PITPNM3: variants seen among roughly 807,000 people sequenced by gnomAD.
PITPNM3 encodes the protein membrane-associated phosphatidylinositol transfer protein 3.
Under a neutral mutation model 102.0 loss-of-function variants are expected in PITPNM3, and 26 were observed. The ratio of observed to expected loss-of-function variants is 0.25; its 90% CI spans 0.19 to 0.35. The LOEUF is 0.35. Among genes scored for constraint, PITPNM3 ranks in the 10% least tolerant of loss-of-function variants. The pLI is 1.00. For missense variants in PITPNM3, 1,083 were observed against 1,346.1 expected (o/e 0.80, Z 3.06); for synonymous variants, 578 against 558.6 (o/e 1.03, Z -0.49).
At chr17:6,515,882 C>A (rs1175381240) in intron 3 of PITPNM3, among the ~76,000 whole-genome samples, 2 of 152,018 alleles carry the variant, frequency 1.3e-5, no homozygotes, top group Non-Finnish European at 2.9e-5. Flanking sequence ...AACAAACAAA[C>A]AAAAAAACAA....
At chr17:6,514,301 G>T (rs1339561215) in intron 3 of PITPNM3, among the ~76,000 whole-genome samples, 2 of 135,748 alleles carry the variant, frequency 1.5e-5, no homozygotes, top group Non-Finnish European at 3.2e-5. Flanking sequence ...TACTCCAAAA[G>T]ACATTATCAA....
In PITPNM3 at chr17:6,483,575, G is replaced by C. The variant is rs1351700941; in HGVS notation, c.529C>G (p.Leu177Val). Residue 177 changes from leucine to valine, a missense_variant, in exon 6 of 20, where the codon CTC becomes GTC. By Grantham distance (32) the Leu-to-Val change is conservative. Coordinates refer to ENST00000262483, the MANE Select transcript of PITPNM3 (RefSeq NM_031220.4). Reference sequence around the variant, plus strand: ...GCAGGACAGGGGACGAACTTGATGAGGATGTGGCCCAGGGCAGCAGGGAAA... The same window carrying C: ...GCAGGACAGGGGACGAACTTGATGACGATGTGGCCCAGGGCAGCAGGGAAA... ...AHFPAALGHI[L>V]IKFVPCPAIC... 6.2e-7 allele frequency: 1 copy of C among 1,614,082 alleles called. No homozygotes were observed. Among genetic ancestry groups the C allele is most frequent in the South Asian group, 1.1e-5 (1 of 91,074 alleles).
At chr17:6,487,973 A>G (rs905118068) in intron 4 of PITPNM3, among the ~76,000 whole-genome samples, 1 of 152,180 alleles carries the variant, frequency 6.6e-6, no homozygotes, top group African/African-American at 2.4e-5. Flanking sequence ...TTCCATGCAC[A>G]AAAGCCAGGA....
At position 6,468,334 on chromosome 17, in the gene PITPNM3, C is replaced by A. The variant is rs374644335; in HGVS notation, c.1781G>T (p.Arg594Leu). Reference sequence around the variant, plus strand: ...TTCCTTGATGTTCACGCTCTCATAGCGCATTACCTAGCCAAGAGCCGAGCA... The same window carrying A: ...TTCCTTGATGTTCACGCTCTCATAGAGCATTACCTAGCCAAGAGCCGAGCA... ...VVAFILRQVMRYESVNIKESA... is the reference protein window; with the variant it reads ...VVAFILRQVMLYESVNIKESA... The change falls in exon 14 of 20, where the codon CGC (arginine) becomes CTC (leucine). Residue 594 changes from arginine (R) to leucine (L), a missense_variant. Arg to Leu is a moderately radical substitution (Grantham distance 102). Coordinates refer to ENST00000262483, the MANE Select transcript of PITPNM3 (RefSeq NM_031220.4). The surrounding 1 kb of genome is among the most constrained non-coding windows in gnomAD (Gnocchi z 5.2). 2 of 1,613,976 alleles carry A rather than the reference C, an allele frequency of 1.2e-6. No individual in the cohort carries two copies. The highest frequency in any genetic ancestry group is 1.7e-6 in the Non-Finnish European group (2 of 1,180,002).
chr17:6,465,942 C>T (rs1904744435), intron 14 of PITPNM3, among the ~76,000 whole-genome samples: 1 of 152,186 alleles, frequency 6.6e-6, no homozygotes, highest in African/African-American at 2.4e-5. Flanking sequence ...AAAGGCAGTC[C>T]CTGCAACAGA....
At position 6,470,633 on chromosome 17, in the gene PITPNM3, C is replaced by T. The variant is rs1285802098; in HGVS notation, c.1625-225G>A. Among the ~76,000 whole-genome samples the T allele has an allele frequency of 3.3e-5, 5 of 152,190 alleles. No homozygotes were observed. Among genetic ancestry groups the T allele is most frequent in the Non-Finnish European group, 7.3e-5 (5 of 68,032 alleles). ...TAAGATGTGCGTGCCAAGCCCATGC[C>T]CAGGAAGGAGGGCCAGACCCACAGA... On this transcript the variant is annotated intron_variant, in intron 12 of 19. Transcript: ENST00000262483. This position sits in a 1 kb window ranked among gnomAD's most constrained non-coding sequence, Gnocchi z 4.8.
chr17:6,536,596 C>T (rs547120010), intron 2 of PITPNM3, among the ~76,000 whole-genome samples: 49 of 152,110 alleles, frequency 3.2e-4, no homozygotes, highest in Non-Finnish European at 5.9e-4. Context: ...TAAAAATCAC[C>T]CAAACTGAGT....
intron 14 of PITPNM3, among the ~76,000 whole-genome samples, chr17:6,466,044 C>T (rs1479123390): frequency 6.6e-6 from 1 of 152,214 alleles, no homozygotes; most frequent in African/African-American, 2.4e-5. Flanking sequence ...CTTAGCTTTC[C>T]AAGGCTTGCC....
chr17:6,499,579 C>G (rs989316051), intron 4 of PITPNM3, among the ~76,000 whole-genome samples: 1 of 152,212 alleles, frequency 6.6e-6, no homozygotes, highest in Non-Finnish European at 1.5e-5. Context: ...CAAGGCACAT[C>G]CGTCCAGTAA....
chr17:6,546,912 AG>A (rs1440474825), intron 1 of PITPNM3, among the ~76,000 whole-genome samples: 7 of 152,086 alleles, frequency 4.6e-5, no homozygotes, highest in African/African-American at 1.7e-4. Context: ...AGGCTGAGGC[AG>A]GGAGAACTGC....
intron 2 of PITPNM3, among the ~76,000 whole-genome samples, chr17:6,534,692 G>A (rs1387091355): frequency 2.0e-5 from 3 of 152,182 alleles, no homozygotes. Context: ...CTGTTCCCAG[G>A]TCCAGTCAGT....
chr17:6,464,054 GCAGA>G (rs1431240043), intron 16 of PITPNM3, 112 bp downstream of exon 16: 3 of 1,539,778 alleles, frequency 1.9e-6, no homozygotes, highest in Non-Finnish European at 2.7e-6. Flanking sequence ...CTCTGTCCAT[GCAGA>G]CAGAGATGGG....
chr17:6,497,832 C>T (rs1468591111), intron 4 of PITPNM3, among the ~76,000 whole-genome samples: 1 of 152,180 alleles, frequency 6.6e-6, no homozygotes, highest in East Asian at 1.9e-4. Flanking sequence ...TAGAATCTGC[C>T]CCCCAACCCA....
chr17:6,522,066 A>G (rs958494063), intron 3 of PITPNM3, among the ~76,000 whole-genome samples: 2 of 152,210 alleles, frequency 1.3e-5, no homozygotes, highest in African/African-American at 4.8e-5. Context: ...TACACCACCC[A>G]TGTAGAATGG....
Position 6,477,229 on chromosome 17 carries a change from G to A in PITPNM3, c.901-16C>T, listed in dbSNP as rs761147970. The A allele has an allele frequency of 3.7e-6, 6 of 1,612,950 alleles. No homozygotes were observed. In the South Asian group the frequency reaches 6.6e-5, roughly 18 times the overall value. On this transcript the variant is annotated splice_polypyrimidine_tract_variant and intron_variant, in intron 8 of 19. Coordinates refer to ENST00000262483, the MANE Select transcript of PITPNM3 (RefSeq NM_031220.4). ...CTGGGGTGTCCTTTGGGACCGAACAGGGGACAGGAGAGAAAAAGACTGTTG... is the reference window on the plus strand; with the variant it reads ...CTGGGGTGTCCTTTGGGACCGAACAAGGGACAGGAGAGAAAAAGACTGTTG...
In PITPNM3 at chr17:6,468,127, G is replaced by A; in HGVS notation, c.1890+98C>T. The A allele has an allele frequency of 2.6e-6, 3 of 1,175,302 alleles. No homozygotes were observed. The highest frequency in any genetic ancestry group is 3.8e-6 in the Non-Finnish European group (3 of 792,116). 72.8% of individuals were successfully genotyped at this position (1,175,302 alleles called of 1,614,324 possible). A position where few individuals can be genotyped will look rare whatever the true frequency, so the allele number is the denominator to read the frequency against. On this transcript the variant is annotated intron_variant, in intron 14 of 19. Transcript: ENST00000262483. The surrounding 1 kb of genome is among the most constrained non-coding windows in gnomAD (Gnocchi z 5.2). ...GGGTGCTGAGCTCTGAGGACAAATT[G>A]AAGCGCTTACCTCCCATGTGGATGC...
Position 6,522,286 on chromosome 17 carries a change from G to GCGCACACA in PITPNM3, c.226+3069_226+3070insTGTGTGCG, listed in dbSNP as rs145090085. On this transcript the variant is annotated intron_variant, in intron 3 of 19. Coordinates refer to ENST00000262483, the MANE Select transcript of PITPNM3 (RefSeq NM_031220.4). ...GACCCATGAGGTATATTTAGTGTGC[G>GCGCACACA]CACACACACACACACACACACACAC... Among the ~76,000 whole-genome samples the GCGCACACA allele has an allele frequency of 2.6e-3, 393 of 149,312 alleles. 2 individuals carry two copies. Among genetic ancestry groups the GCGCACACA allele is most frequent in the African/African-American group, 8.4e-3 (339 of 40,580 alleles).
At position 6,474,507 on chromosome 17, in the gene PITPNM3, A is replaced by G; in HGVS notation, c.1183T>C (p.Ser395Pro). Residue 395 changes from serine (S) to proline (P), a missense_variant, in exon 10 of 20, where the codon TCC (serine) becomes CCC (proline). Ser to Pro is a moderately conservative substitution (Grantham distance 74, BLOSUM62 -1). Transcript: ENST00000262483. Reference protein sequence around the residue: ...VSLGRFDFDVSDFFLFGSPLG... With the variant: ...VSLGRFDFDVPDFFLFGSPLG... The stretch of plus-strand genomic sequence containing the variant: ...GGCGAGCCGAAGAGGAAGAAGTCGG[A>G]CACATCGAAGTCAAAGCGGCCCAGG... 1 of 1,613,406 alleles carries G rather than the reference A, an allele frequency of 6.2e-7. No homozygotes were observed.
In PITPNM3 at chr17:6,470,460, C is replaced by T. The variant is rs369581960; in HGVS notation, c.1625-52G>A. On this transcript the variant is annotated intron_variant, in intron 12 of 19. Transcript: ENST00000262483. The surrounding 1 kb of genome is among the most constrained non-coding windows in gnomAD (Gnocchi z 4.8). ...TGCGTGGCCGGCCCGGGGCCTCACCCGAGGGGCAGCGGGGTCTCCCATTGC... is the reference window on the plus strand; with the variant it reads ...TGCGTGGCCGGCCCGGGGCCTCACCTGAGGGGCAGCGGGGTCTCCCATTGC... 2,655 of 1,611,882 alleles carry T rather than the reference C, an allele frequency of 1.6e-3. 7 individuals are homozygous for T. The highest frequency in any genetic ancestry group is 1.8e-3 in the Non-Finnish European group (2,097 of 1,178,904).
Sources: allele counts gnomAD v4.1 joint callset (sites outside exome capture counted in the v4.1 genomes callset), GRCh38; gene constraint gnomAD v4.1.1; non-coding constraint Gnocchi (gnomAD v3.1); transcripts MANE v1.5; gene names NCBI Gene and HGNC (gene_info 2026-07-23, HGNC 2026-07-21).